Variants in FAAH2 observed in about 807,000 individuals in gnomAD.
FAAH2 encodes the protein fatty-acid amide hydrolase 2.
Under a neutral mutation model 36.9 loss-of-function variants are expected in FAAH2, and 60 were observed. The observed-to-expected ratio is 1.63, with a 90% CI of 1.32 to 2.02. FAAH2 has a LOEUF of 2.02. Among genes scored for constraint, FAAH2 ranks in the 30% most tolerant of loss-of-function variants. The pLI is 0.00. For synonymous variants in FAAH2, 214 were observed against 143.8 expected (o/e 1.49, Z -3.49); for missense variants, 689 against 397.5 (o/e 1.73, Z -6.23).
At chrX:57,153,396 C>A in the FAAH2 span, among the ~76,000 whole-genome samples, 12 of 111,625 alleles carry the variant, frequency 1.1e-4, no homozygotes, top group African/African-American at 3.9e-4. Flanking sequence ...AGATACTATT[C>A]CATTCATTGT....
chrX:57,312,733 A>G (rs984576787), intron 3 of FAAH2, among the ~76,000 whole-genome samples: 10 of 111,350 alleles, frequency 9.0e-5, no homozygotes, highest in Non-Finnish European at 1.5e-4. Context: ...AATATAGCCA[A>G]CTAACTATAC....
intron 10 of FAAH2, among the ~76,000 whole-genome samples, chrX:57,474,323 T>G: frequency 9.0e-6 from 1 of 111,104 alleles, no homozygotes; most frequent in African/African-American, 3.3e-5. Flanking sequence ...AAGCCCTGCA[T>G]TTATTAGGTA....
the FAAH2 span, among the ~76,000 whole-genome samples, chrX:57,221,129 G>T: frequency 9.0e-6 from 1 of 110,932 alleles, no homozygotes; most frequent in Non-Finnish European, 1.9e-5. Context: ...CCACTTTTCT[G>T]CTCCCTTCAC....
the FAAH2 span, among the ~76,000 whole-genome samples, chrX:57,161,362 G>C: frequency 0.03 from 3,396 of 111,522 alleles, 116 homozygotes; most frequent in African/African-American, 0.11. Context: ...GAGTTCTGTA[G>C]ATGTCTATTA....
the FAAH2 span, among the ~76,000 whole-genome samples, chrX:57,189,288 A>C: frequency 9.1e-6 from 1 of 110,106 alleles, no homozygotes; most frequent in East Asian, 2.9e-4. Flanking sequence ...CATTTCCTGT[A>C]ACCTTTTGTC....
chrX:57,395,613 C>G (rs1458722148), intron 7 of FAAH2, among the ~76,000 whole-genome samples: 1 of 111,204 alleles, frequency 9.0e-6, no homozygotes, highest in East Asian at 2.9e-4. Context: ...TTTTCTTCAT[C>G]AATTGAGATG....
chrX:57,411,396 A>G (rs1050686795), intron 7 of FAAH2, among the ~76,000 whole-genome samples: 1 of 111,064 alleles, frequency 9.0e-6, no homozygotes, highest in Non-Finnish European at 1.9e-5. Context: ...ATGCACAGAG[A>G]TGTGTGGGGT....
chrX:57,287,070 A>G (rs2051831124), intron 1 of FAAH2, 53 bp downstream of exon 1: 2 of 1,077,530 alleles, frequency 1.9e-6, no homozygotes, highest in Admixed American at 3.2e-5. Flanking sequence ...AGCAGGATCC[A>G]GGAAGCTTAG....
At chrX:57,484,357 T>A (rs758176474) in intron 10 of FAAH2, among the ~76,000 whole-genome samples, 16 of 111,236 alleles carry the variant, frequency 1.4e-4, no homozygotes, top group African/African-American at 4.6e-4. Context: ...CTAGTCTTGA[T>A]AGGGGTGGCT....
chrX:57,315,976 T>C (rs2146921137), intron 3 of FAAH2, among the ~76,000 whole-genome samples: 1 of 111,801 alleles, frequency 8.9e-6, no homozygotes, highest in South Asian at 3.7e-4. Flanking sequence ...TCTCTGTTGA[T>C]GATATGATCT....
At chrX:57,290,246 G>A (rs1488688760) in intron 1 of FAAH2, 7 of 742,898 alleles carry the variant, frequency 9.4e-6, no homozygotes, top group Non-Finnish European at 1.1e-5. Flanking sequence ...ACTCAATTAC[G>A]GTAGCAGTGG....
chrX:57,437,727 T>C (rs1409883737), intron 8 of FAAH2, among the ~76,000 whole-genome samples: 3 of 53,474 alleles, frequency 5.6e-5, no homozygotes, highest in African/African-American at 2.7e-4. Context: ...ATTTATATAT[T>C]ATATATTATA....
At chrX:57,474,201 T>A (rs1015756915) in intron 10 of FAAH2, among the ~76,000 whole-genome samples, 6 of 111,839 alleles carry the variant, frequency 5.4e-5, no homozygotes, top group African/African-American at 9.7e-5. Context: ...GTGATTTTTT[T>A]AAAATTTTAC....
chrX:57,191,106 C>G, the FAAH2 span, among the ~76,000 whole-genome samples: 3 of 111,736 alleles, frequency 2.7e-5, no homozygotes, highest in African/African-American at 6.5e-5. Context: ...TTCCTATCAA[C>G]AGTGTATGAG....
At chrX:57,441,519 T>A (rs1217161332) in intron 8 of FAAH2, among the ~76,000 whole-genome samples, 1 of 110,906 alleles carries the variant, frequency 9.0e-6, no homozygotes, top group Non-Finnish European at 1.9e-5. Context: ...TTGCTAGTGG[T>A]CTATCAATTT....
At chrX:57,244,468 A>C in the FAAH2 span, among the ~76,000 whole-genome samples, 1 of 111,768 alleles carries the variant, frequency 8.9e-6, no homozygotes, top group South Asian at 3.8e-4. Flanking sequence ...GGTGAAATGA[A>C]GGAAAAAATT....
At chrX:57,440,085 G>A (rs953975285) in intron 8 of FAAH2, among the ~76,000 whole-genome samples, 13 of 111,501 alleles carry the variant, frequency 1.2e-4, no homozygotes, top group African/African-American at 3.9e-4. Context: ...GGTGATGCGG[G>A]CTCTTTTTTG....
chrX:57,173,500 G>T, the FAAH2 span, among the ~76,000 whole-genome samples: 1 of 111,795 alleles, frequency 8.9e-6, no homozygotes, highest in Admixed American at 9.5e-5. Context: ...TGTCTTCTAG[G>T]TATAAGATTA....
rs764314198 is a variant in FAAH2 at position 57,286,854 on chromosome X, A to G, written c.29A>G (p.Gln10Arg). MAPSFTARI[Q>R]LFLLRALGFL... is the part of the protein sequence containing the mutation. ...GCACCTTCATTTACCGCCCGCATTC[A>G]GTTGTTCCTCTTGCGGGCGCTAGGC... Residue 10 changes from glutamine to arginine, a missense_variant, in exon 1 of 11, where the codon CAG becomes CGG. Gln to Arg is a conservative substitution (Grantham distance 43). Transcript: ENST00000374900. The G allele has an allele frequency of 8.4e-7, 1 of 1,190,116 alleles. No individual in the cohort carries two copies. Among genetic ancestry groups the G allele is most frequent in the Admixed American group, 2.3e-5 (1 of 44,220 alleles).
Sources: gnomAD v4.1 joint callset for allele counts (sites outside exome capture counted in the v4.1 genomes callset) on GRCh38, gnomAD v4.1.1 for gene constraint, MANE v1.5 for transcripts, NCBI Gene and HGNC (gene_info 2026-07-23, HGNC 2026-07-21) for gene names.